TANC2: variants seen among roughly 807,000 people sequenced by gnomAD.
TANC2 encodes the protein protein TANC2.
TANC2 carries 26 observed loss-of-function variants against 210.5 expected under a neutral mutation model. The observed-to-expected ratio is 0.12, with a 90% CI of 0.09 to 0.17. The LOEUF (loss-of-function observed/expected upper bound fraction) is 0.17, where lower values mean the gene tolerates loss of function less well. TANC2 is among the 10% of genes least tolerant of loss of function. TANC2 has a pLI of 1.00. For synonymous variants in TANC2, 931 were observed against 967.1 expected (o/e 0.96, Z 0.69); for missense variants, 2,129 against 2,608.9 (o/e 0.82, Z 4.01).
chr17:63,151,738 A>G (rs1281005199), intron 5 of TANC2: 1 of 152,192 alleles, frequency 6.6e-6, no homozygotes, highest in East Asian at 1.9e-4. Context: ...AAGAATATTC[A>G]TTCAACACTA....
chr17:63,197,210 G>A (rs2041375003), intron 6 of TANC2, among the ~76,000 whole-genome samples: 1 of 151,920 alleles, frequency 6.6e-6, no homozygotes, highest in Non-Finnish European at 1.5e-5. Context: ...CTTAAGTGGG[G>A]GAAATAACAT....
rs955851194 is a variant in TANC2 at position 63,150,652 on chromosome 17, T to C, written c.323-618T>C. 10 of 152,334 alleles carry C rather than the reference T, an allele frequency of 6.6e-5. No individual in the cohort carries two copies. The South Asian group carries it at 1.0e-3, about 16-fold the overall frequency. The allele number at this position is 152,334 out of a possible 1,614,324, so 9.4% of individuals were successfully genotyped here. On this transcript the variant is annotated intron_variant, in intron 4 of 27. Coordinates refer to ENST00000689528, the Ensembl canonical transcript of TANC2. ...CTTTAGTCCACCAGCAGTTTTGACT[T>C]CTTACATTAATAGCTGAGAAGTAAG...
chr17:63,133,846 A>G (rs1305731203), intron 4 of TANC2, among the ~76,000 whole-genome samples: 2 of 152,218 alleles, frequency 1.3e-5, no homozygotes, highest in African/African-American at 2.4e-5. Context: ...ATTCCTACAC[A>G]TAGAATGGGT....
At chr17:63,083,910 T>C (rs1320376369) in intron 3 of TANC2, among the ~76,000 whole-genome samples, 1 of 152,222 alleles carries the variant, frequency 6.6e-6, no homozygotes, top group African/African-American at 2.4e-5. Context: ...TTATTGAGAA[T>C]TTTTGCACGT....
intron 9 of TANC2, among the ~76,000 whole-genome samples, chr17:63,275,572 T>C (rs1192647569): frequency 6.6e-6 from 1 of 152,186 alleles, no homozygotes; most frequent in East Asian, 1.9e-4. Flanking sequence ...ATCCCTGAGG[T>C]TGCTTAGTCA....
At chr17:63,298,612 T>C (rs1420356450) in intron 9 of TANC2, among the ~76,000 whole-genome samples, 1 of 152,210 alleles carries the variant, frequency 6.6e-6, no homozygotes, top group African/African-American at 2.4e-5. Context: ...GAAGTGGTGG[T>C]TGTGCAATAT....
rs900698996 is a variant in TANC2 at position 63,263,199 on chromosome 17, A to G, written c.1034-4549A>G. 6.6e-5 allele frequency among the ~76,000 whole-genome samples: 10 copies of G among 152,296 alleles called. No individual in the cohort carries two copies. In the East Asian group the frequency reaches 1.5e-3, roughly 23 times the overall value. ...TTAACGTTATTAAATGTAAAACTCT[A>G]TATATTAATAGTGATGAGCTGACTC... On this transcript the variant is annotated intron_variant, in intron 8 of 27. Transcript: ENST00000689528.
At chr17:63,222,357 G>T (rs903097705) in intron 7 of TANC2, among the ~76,000 whole-genome samples, 3 of 152,094 alleles carry the variant, frequency 2.0e-5, no homozygotes, top group African/African-American at 7.2e-5. Context: ...ACTAGCAAAT[G>T]TATAAATACT....
At chr17:63,167,192 T>A (rs2145534570) in intron 5 of TANC2, among the ~76,000 whole-genome samples, 1 of 152,292 alleles carries the variant, frequency 6.6e-6, no homozygotes, top group East Asian at 1.9e-4. Flanking sequence ...CTACTTAACC[T>A]CCTCAGTCTC....
intron 1 of TANC2, among the ~76,000 whole-genome samples, chr17:62,989,647 G>T (rs2032753131): frequency 6.6e-6 from 1 of 151,740 alleles, no homozygotes. Flanking sequence ...GGCGACAAAA[G>T]AATTCTGTAA....
In TANC2 at chr17:63,418,121, C is replaced by T. The variant is rs1476289554; in HGVS notation, c.4168-186C>T. Among the ~76,000 whole-genome samples, 1 of 152,236 alleles carries T rather than the reference C, an allele frequency of 6.6e-6. No homozygotes were observed. Among genetic ancestry groups the T allele is most frequent in the Non-Finnish European group, 1.5e-5 (1 of 68,044 alleles). ...TCCAGTGAGCAGTCGCAGCGCTACA[C>T]AGGACAAAGGCAGAAGGAACTTTCA... On this transcript the variant is annotated intron_variant, in intron 26 of 27. Coordinates refer to ENST00000689528, the Ensembl canonical transcript of TANC2. The surrounding 1 kb of genome is among the most constrained non-coding windows in gnomAD (Gnocchi z 4.6).
chr17:63,003,281 C>G (rs1025385226), intron 1 of TANC2, among the ~76,000 whole-genome samples: 2 of 152,118 alleles, frequency 1.3e-5, no homozygotes, highest in African/African-American at 4.8e-5. Context: ...CTGTTCAAAT[C>G]TTTTACCCAT....
intron 7 of TANC2, among the ~76,000 whole-genome samples, chr17:63,214,991 TTTAGGTCC>T (rs1451004866): frequency 6.6e-6 from 1 of 152,148 alleles, no homozygotes; most frequent in African/African-American, 2.4e-5. Flanking sequence ...TAAACAAAGA[TTTAGGTCC>T]TTGCTGCTCC....
intron 7 of TANC2, among the ~76,000 whole-genome samples, chr17:63,210,201 T>C (rs1256571369): frequency 6.6e-6 from 1 of 152,228 alleles, no homozygotes; most frequent in Non-Finnish European, 1.5e-5. Context: ...TCAGCCTTTC[T>C]ATTGTCATCT....
At chr17:63,376,836 T>C (rs1382002404) in intron 14 of TANC2, among the ~76,000 whole-genome samples, 1 of 148,184 alleles carries the variant, frequency 6.7e-6, no homozygotes, top group Admixed American at 6.7e-5. Context: ...TTTTTTTTTT[T>C]AGATGGAGTC....
At chr17:63,276,757 C>T (rs188631147) in intron 9 of TANC2, among the ~76,000 whole-genome samples, 1 of 152,194 alleles carries the variant, frequency 6.6e-6, no homozygotes, top group African/African-American at 2.4e-5. Flanking sequence ...CAGTGAGACA[C>T]TCTTCAAAAG....
At chr17:63,362,891 C>T (rs1311957736) in intron 14 of TANC2, among the ~76,000 whole-genome samples, 2 of 152,148 alleles carry the variant, frequency 1.3e-5, no homozygotes, top group Non-Finnish European at 2.9e-5. Context: ...GCAGGGCTCC[C>T]GTCTGTTTAC....
intron 13 of TANC2, among the ~76,000 whole-genome samples, chr17:63,352,113 A>G (rs1023808835): frequency 2.0e-5 from 3 of 152,106 alleles, no homozygotes; most frequent in Admixed American, 1.3e-4. Flanking sequence ...TTGGTGTCCC[A>G]TTCTTTACAT....
intron 1 of TANC2, among the ~76,000 whole-genome samples, chr17:62,975,499 A>G (rs2031947940): frequency 6.6e-6 from 1 of 151,750 alleles, no homozygotes; most frequent in Admixed American, 6.6e-5. Flanking sequence ...ACATACACCC[A>G]TATTCTGCCT....
Sources: allele counts gnomAD v4.1 joint callset (sites outside exome capture counted in the v4.1 genomes callset), GRCh38; gene constraint gnomAD v4.1.1; non-coding constraint Gnocchi (gnomAD v3.1); transcripts MANE v1.5; gene names NCBI Gene and HGNC (gene_info 2026-07-23, HGNC 2026-07-21).